ASTN2: variants seen among roughly 807,000 people sequenced by gnomAD.
The protein encoded by ASTN2 is astrotactin-2.
A neutral mutation model predicts 139.8 loss-of-function variants in ASTN2; 54 were observed. The observed-to-expected ratio is 0.39, with a 90% CI of 0.31 to 0.48. The LOEUF (loss-of-function observed/expected upper bound fraction) is 0.48. Among genes scored for constraint, ASTN2 ranks in the 20% least tolerant of loss-of-function variants. ASTN2 has a pLI of 0.95. For synonymous variants in ASTN2, 756 were observed against 719.5 expected (o/e 1.05, Z -0.81); for missense variants, 1,565 against 1,725.1 (o/e 0.91, Z 1.64).
chr9:117,372,599 T>G (rs2130915010), intron 1 of ASTN2, among the ~76,000 whole-genome samples: 1 of 152,270 alleles, frequency 6.6e-6, no homozygotes, highest in African/African-American at 2.4e-5. Flanking sequence ...TTCAAAATGT[T>G]ACAAGAATTA....
intron 4 of ASTN2, among the ~76,000 whole-genome samples, chr9:117,125,833 G>C (rs1829674895): frequency 6.6e-6 from 1 of 151,824 alleles, no homozygotes; most frequent in South Asian, 2.1e-4. Flanking sequence ...TTGCGGCGGG[G>C]GGGGGAATTG....
At chr9:116,881,722 C>T (rs1455343450) in intron 10 of ASTN2, among the ~76,000 whole-genome samples, 1 of 152,190 alleles carries the variant, frequency 6.6e-6, no homozygotes, top group African/African-American at 2.4e-5. Flanking sequence ...TTATGTAAAA[C>T]ACAAGGCACC....
At chr9:117,007,239 C>G (rs1302553709) in intron 7 of ASTN2, among the ~76,000 whole-genome samples, 2 of 152,146 alleles carry the variant, frequency 1.3e-5, no homozygotes, top group African/African-American at 4.8e-5. Flanking sequence ...GCTTAGCACT[C>G]CACATGCTTT....
chr9:117,035,864 ATATAATG>A (rs1403213076), intron 6 of ASTN2, among the ~76,000 whole-genome samples: 1 of 152,214 alleles, frequency 6.6e-6, no homozygotes, highest in Non-Finnish European at 1.5e-5. Context: ...GGAACAGAGC[ATATAATG>A]TATTCCCTTT....
chr9:117,006,936 G>GA (rs1837369947), intron 7 of ASTN2, among the ~76,000 whole-genome samples: 2 of 152,106 alleles, frequency 1.3e-5, no homozygotes, highest in South Asian at 2.1e-4. Context: ...CCAACATGGT[G>GA]AAACCCCCCA....
At chr9:117,412,549 C>T (rs995802312) in intron 1 of ASTN2, among the ~76,000 whole-genome samples, 3 of 152,154 alleles carry the variant, frequency 2.0e-5, no homozygotes, top group East Asian at 3.9e-4. Flanking sequence ...CCAGGAATCC[C>T]GGGGCACCTA....
chr9:117,096,141 G>C lies in ASTN2; in HGVS notation c.1179C>G (p.Ser393Arg), dbSNP rs1214818530. The part of the protein sequence containing the change: ...KRRSKSRGGI[S>R]FGRAKGTSGS... ...CCGACGTCCCCTTGGCTCTCCCAAA[G>C]CTGATTCCTCCTGTGAGTAAGCACA... Residue 393 changes from serine to arginine, a missense_variant, in exon 5 of 23, where the codon AGC (serine) becomes AGG (arginine). Ser to Arg is a moderately radical substitution (Grantham distance 110). This residue lies in a region of ASTN2 where 596 missense variants were observed against 576.8 expected (regional missense o/e 1.03). Transcript: ENST00000313400. 1.2e-6 allele frequency: 2 copies of C among 1,613,916 alleles called. No individual in the cohort carries two copies. Among genetic ancestry groups the C allele is most frequent in the Middle Eastern group, 1.7e-4 (1 of 6,058 alleles).
At chr9:117,295,759 AAAG>A (rs912461945) in intron 1 of ASTN2, among the ~76,000 whole-genome samples, 12 of 151,586 alleles carry the variant, frequency 7.9e-5, no homozygotes, top group African/African-American at 1.7e-4. Flanking sequence ...TAAAAAAAAA[AAAG>A]AAGAAGAAGA....
At chr9:117,345,576 G>A (rs1448780800) in intron 1 of ASTN2, among the ~76,000 whole-genome samples, 6 of 152,150 alleles carry the variant, frequency 3.9e-5, no homozygotes, top group Admixed American at 3.9e-4. Context: ...TCAAACTCAG[G>A]CTGTCTGGCC....
chr9:116,588,067 C>T (rs1854230785), intron 19 of ASTN2, among the ~76,000 whole-genome samples: 1 of 152,118 alleles, frequency 6.6e-6, no homozygotes, highest in Non-Finnish European at 1.5e-5. Flanking sequence ...AGTGTTACTA[C>T]AAAACTGAAA....
At chr9:117,001,345 C>T (rs923690152) in intron 7 of ASTN2, among the ~76,000 whole-genome samples, 17 of 152,146 alleles carry the variant, frequency 1.1e-4, no homozygotes, top group African/African-American at 4.1e-4. Context: ...TTTTCCATGA[C>T]TTTCCCCAAA....
chr9:117,091,153 T>A (rs1828695188), intron 5 of ASTN2, among the ~76,000 whole-genome samples: 3 of 152,098 alleles, frequency 2.0e-5, no homozygotes, highest in African/African-American at 7.2e-5. Context: ...GCAGGCCCTT[T>A]CCCAGCAGGC....
chr9:116,492,217 G>C (rs1341544047), intron 19 of ASTN2, among the ~76,000 whole-genome samples: 1 of 151,980 alleles, frequency 6.6e-6, no homozygotes. Flanking sequence ...GAGTAGCTGG[G>C]ATTATAGGTG....
chr9:116,671,938 T>C (rs895842116), intron 16 of ASTN2, among the ~76,000 whole-genome samples: 2 of 152,308 alleles, frequency 1.3e-5, no homozygotes, highest in Admixed American at 1.3e-4. Context: ...AGAAACGAGA[T>C]AACCTGTGCT....
chr9:116,795,222 C>T (rs991915320), intron 13 of ASTN2, among the ~76,000 whole-genome samples: 1 of 152,194 alleles, frequency 6.6e-6, no homozygotes, highest in Non-Finnish European at 1.5e-5. Context: ...TCGTGATCCA[C>T]CCGCCTCGGC....
At chr9:117,036,110 G>A (rs1838377627) in intron 6 of ASTN2, among the ~76,000 whole-genome samples, 1 of 152,096 alleles carries the variant, frequency 6.6e-6, no homozygotes, top group South Asian at 2.1e-4. Context: ...TTTACAGATA[G>A]GTGAGAAAAA....
chr9:117,151,513 T>A (rs1830326305), intron 3 of ASTN2, among the ~76,000 whole-genome samples: 1 of 151,770 alleles, frequency 6.6e-6, no homozygotes, highest in African/African-American at 2.4e-5. Context: ...AAGAGGGAGG[T>A]AAAGATAATG....
intron 13 of ASTN2, among the ~76,000 whole-genome samples, chr9:116,734,948 T>G (rs1002536891): frequency 2.0e-5 from 3 of 152,246 alleles, no homozygotes; most frequent in Non-Finnish European, 2.9e-5. Flanking sequence ...GTCATCTATA[T>G]TATTCATTGA....
intron 13 of ASTN2, among the ~76,000 whole-genome samples, chr9:116,792,700 C>T (rs925643791): frequency 1.3e-5 from 2 of 152,198 alleles, no homozygotes; most frequent in African/African-American, 4.8e-5. Flanking sequence ...CACTTGGTCA[C>T]TCTAGAGAGG....
Sources: allele counts gnomAD v4.1 joint callset (sites outside exome capture counted in the v4.1 genomes callset), GRCh38; gene constraint gnomAD v4.1.1; regional missense constraint gnomAD v4.1.1; transcripts MANE v1.5; gene names NCBI Gene and HGNC (gene_info 2026-07-23, HGNC 2026-07-21).